KCNN2: variants seen among roughly 807,000 people sequenced by gnomAD.
KCNN2 encodes the protein potassium calcium-activated channel subfamily N member 2.
A neutral mutation model predicts 55.5 loss-of-function variants in KCNN2; 24 were observed. The ratio of observed to expected loss-of-function variants is 0.43; its 90% confidence interval spans 0.31 to 0.61. The LOEUF is 0.61. Ranked by LOEUF, KCNN2 falls within the 20% of genes least tolerant of loss-of-function variation. The probability of loss-of-function intolerance (pLI) is 0.08; values close to 1 mark genes in which losing one functional copy is unlikely to be tolerated. For missense variants in KCNN2, 754 were observed against 853.6 expected (o/e 0.88, Z 1.45); for synonymous variants, 431 against 336.1 (o/e 1.28, Z -3.09).
chr5:114,471,062 A>ATACTT (rs750144218), intron 4 of KCNN2, among the ~76,000 whole-genome samples: 26 of 152,192 alleles, frequency 1.7e-4, no homozygotes, highest in Admixed American at 7.2e-4. Context: ...TTAGACATTC[A>ATACTT]TACTTTATCA....
intron 3 of KCNN2, among the ~76,000 whole-genome samples, chr5:114,413,037 A>G (rs1759184528): frequency 6.6e-6 from 1 of 152,192 alleles, no homozygotes; most frequent in Non-Finnish European, 1.5e-5. Flanking sequence ...ATACATACAG[A>G]TATAGCATTT....
Position 114,370,237 on chromosome 5 carries a change from C to T in KCNN2, c.1218+6236C>T, listed in dbSNP as rs191736288. Among the ~76,000 whole-genome samples, 12 of 152,150 alleles carry T rather than the reference C, an allele frequency of 7.9e-5. No homozygotes were observed. The East Asian group carries it at 2.3e-3, about 29-fold the overall frequency. On this transcript the variant is annotated intron_variant, in intron 2 of 7. Coordinates refer to ENST00000673685, the MANE Select transcript of KCNN2 (RefSeq NM_021614.4). ...CCAGTTCCTGCTTAAACTCTTTTCC[C>T]AAGATTGGCAGTTCATACACGTACA...
chr5:114,213,482 A>G (rs1753932577), intron 1 of KCNN2, among the ~76,000 whole-genome samples: 1 of 149,996 alleles, frequency 6.7e-6, no homozygotes, highest in African/African-American at 2.5e-5. Flanking sequence ...AGAGTTTATG[A>G]GTGGTTTTTG....
intron 1 of KCNN2, among the ~76,000 whole-genome samples, chr5:114,155,430 ATTTCTAT>A (rs779904907): frequency 2.5e-4 from 38 of 152,082 alleles, no homozygotes; most frequent in Non-Finnish European, 4.9e-4. Flanking sequence ...GTCAAATGTT[ATTTCTAT>A]TTTTAGGTCT....
At chr5:114,347,089 T>G (rs1177700817) in intron 2 of KCNN2, among the ~76,000 whole-genome samples, 2 of 152,248 alleles carry the variant, frequency 1.3e-5, no homozygotes, top group Non-Finnish European at 2.9e-5. Flanking sequence ...GGACATGTCT[T>G]TCTTAAAATA....
rs1757466450 is a variant in KCNN2 at position 114,362,662 on chromosome 5, A to T, written c.523A>T (p.Ser175Cys). The T allele has an allele frequency of 1.5e-6, 2 of 1,377,588 alleles. No homozygotes were observed. Among genetic ancestry groups the T allele is most frequent in the Non-Finnish European group, 1.9e-6 (2 of 1,049,442 alleles). 85.3% of individuals were successfully genotyped at this position (1,377,588 alleles called of 1,614,324 possible). A position where few individuals can be genotyped will look rare whatever the true frequency, so the allele number is the denominator to read the frequency against. Residue 175 changes from serine (S) to cysteine (C), a missense_variant, in exon 1 of 8, where the codon AGT (serine) becomes TGT (cysteine). By Grantham distance (112) the Ser-to-Cys change is moderately radical (BLOSUM62 -1). Around this residue, in one of 4 missense-constraint regions of KCNN2, gnomAD observed 381 missense variants for 259.1 expected, o/e 1.47. Coordinates refer to ENST00000673685, the MANE Select transcript of KCNN2 (RefSeq NM_021614.4). The part of the protein sequence containing the change: ...PAASPTGSLG[S>C]LGSGPPLSHH... Reference sequence around the variant, plus strand: ...CGCCAGCCCCACGGGCAGCCTCGGCAGTCTGGGCTCCGGGCCCCCGCTCTC... The same window carrying T: ...CGCCAGCCCCACGGGCAGCCTCGGCTGTCTGGGCTCCGGGCCCCCGCTCTC...
At chr5:114,152,211 C>G (rs1752543429) in intron 1 of KCNN2, among the ~76,000 whole-genome samples, 1 of 151,840 alleles carries the variant, frequency 6.6e-6, no homozygotes, top group Non-Finnish European at 1.5e-5. Flanking sequence ...GAAATGGTGC[C>G]CCACCCACCC....
At chr5:114,342,441 G>A (rs1187663177) in intron 2 of KCNN2, among the ~76,000 whole-genome samples, 1 of 150,372 alleles carries the variant, frequency 6.7e-6, no homozygotes, top group African/African-American at 2.5e-5. Context: ...GCCATATGGT[G>A]TGTGCGTATT....
At chr5:114,220,551 A>G (rs995295372) in intron 1 of KCNN2, among the ~76,000 whole-genome samples, 1 of 152,144 alleles carries the variant, frequency 6.6e-6, no homozygotes, top group Non-Finnish European at 1.5e-5. Flanking sequence ...TGTTTTTTAA[A>G]AAAAGAGAAA....
intron 3 of KCNN2, among the ~76,000 whole-genome samples, chr5:114,407,640 G>A (rs1167509299): frequency 3.9e-5 from 6 of 152,150 alleles, no homozygotes; most frequent in Non-Finnish European, 5.9e-5. Flanking sequence ...ACATAGAACA[G>A]CAATTTCAAT....
intron 2 of KCNN2, among the ~76,000 whole-genome samples, chr5:114,248,484 G>C (rs1323893453): frequency 1.3e-5 from 2 of 151,906 alleles, no homozygotes; most frequent in African/African-American, 4.8e-5. Context: ...ATCTGAAAGA[G>C]GCAGAGAGGA....
chr5:114,277,779 G>C (rs762281985), intron 2 of KCNN2, among the ~76,000 whole-genome samples: 6 of 152,078 alleles, frequency 3.9e-5, no homozygotes, highest in Non-Finnish European at 7.4e-5. Context: ...TGATGGGTTA[G>C]AACATGCTCC....
In KCNN2 at chr5:114,330,030, TG is replaced by T. The variant is rs1486875634; in HGVS notation, c.-184-30914del. On this transcript the variant is annotated intron_variant, in intron 2 of 10. Transcript: ENST00000512097. ...GGGGAAACTCCCTCTCTCTCCCCTTTGAGCCTGGCTCTCTTAGACACCAAAG... is the reference window on the plus strand; with the variant it reads ...GGGGAAACTCCCTCTCTCTCCCCTTTAGCCTGGCTCTCTTAGACACCAAAG... Among the ~76,000 whole-genome samples, 6 of 152,314 alleles carry T rather than the reference TG, an allele frequency of 3.9e-5. No individual in the cohort carries two copies. In the East Asian group the frequency reaches 9.7e-4, roughly 25 times the overall value.
intron 1 of KCNN2, among the ~76,000 whole-genome samples, chr5:114,181,653 C>T (rs1156534534): frequency 6.6e-6 from 1 of 151,960 alleles, no homozygotes; most frequent in East Asian, 1.9e-4. Context: ...TGCAAAGGTA[C>T]TCTTTTATGT....
chr5:114,289,667 G>A (rs1021651449), intron 2 of KCNN2, among the ~76,000 whole-genome samples: 11 of 152,066 alleles, frequency 7.2e-5, no homozygotes, highest in Non-Finnish European at 1.6e-4. Flanking sequence ...GTAAGCCACC[G>A]CACCTGGCCT....
intron 1 of KCNN2, among the ~76,000 whole-genome samples, chr5:114,216,799 T>C (rs1754012595): frequency 6.6e-6 from 1 of 152,058 alleles, no homozygotes; most frequent in African/African-American, 2.4e-5. Flanking sequence ...CAGTAAAAAG[T>C]ATAGAGATTG....
chr5:114,400,099 G>C (rs1758740873), intron 2 of KCNN2, among the ~76,000 whole-genome samples: 2 of 151,682 alleles, frequency 1.3e-5, no homozygotes, highest in Admixed American at 6.6e-5. Context: ...ATGGTTTTCT[G>C]CTTCTCAATT....
At chr5:114,292,883 G>C (rs781404337) in intron 2 of KCNN2, among the ~76,000 whole-genome samples, 2 of 152,156 alleles carry the variant, frequency 1.3e-5, no homozygotes, top group Admixed American at 1.3e-4. Flanking sequence ...GTGGTTTGTA[G>C]TTCTCCTTGA....
chr5:114,283,714 T>C (rs764434804), intron 2 of KCNN2, among the ~76,000 whole-genome samples: 1 of 152,170 alleles, frequency 6.6e-6, no homozygotes, highest in Non-Finnish European at 1.5e-5. Flanking sequence ...GGTTAGATCA[T>C]TTGAAAAAGA....
Sources: allele counts gnomAD v4.1 joint callset (sites outside exome capture counted in the v4.1 genomes callset), GRCh38; gene constraint gnomAD v4.1.1; regional missense constraint gnomAD v4.1.1; transcripts MANE v1.5; gene names NCBI Gene and HGNC (gene_info 2026-07-23, HGNC 2026-07-21).